Variants in WDR25 observed in about 807,000 individuals in gnomAD.
WDR25 encodes the protein WD repeat-containing protein 25.
Under a neutral mutation model 47.7 loss-of-function variants are expected in WDR25, and 35 were observed. The ratio of observed to expected loss-of-function variants is 0.73; its 90% CI spans 0.56 to 0.97. WDR25 has a LOEUF of 0.97. Among genes scored for constraint, WDR25 ranks in the 50% least tolerant of loss-of-function variants. WDR25 has a pLI of 0.00. For missense variants in WDR25, 634 were observed against 704.7 expected (o/e 0.90, Z 1.14); for synonymous variants, 248 against 278.9 (o/e 0.89, Z 1.10).
Position 100,529,576 on chromosome 14 carries a change from C to T in WDR25, c.1414-244C>T. ...GGTGCTTAGTGACTGTCACTGAGGC[C>T]AGACCCCTCAGCTGGGCTGGAGCTG... On this transcript the variant is annotated intron_variant, in intron 6 of 6. Transcript: ENST00000402312. This position sits in a 1 kb window ranked among gnomAD's most constrained non-coding sequence, Gnocchi z 5.1. 1 of 602,954 alleles carries T rather than the reference C, an allele frequency of 1.7e-6. No homozygotes were observed. Among genetic ancestry groups the T allele is most frequent in the Non-Finnish European group, 2.9e-6 (1 of 342,198 alleles). The allele number at this position is 602,954 out of a possible 1,614,324, so 37.4% of individuals were successfully genotyped here. A position where few individuals can be genotyped will look rare whatever the true frequency, so the allele number is the denominator to read the frequency against.
At chr14:100,526,136 G>A (rs2030121693) in intron 5 of WDR25, 96 bp downstream of exon 5, 1 of 1,424,910 alleles carries the variant, frequency 7.0e-7, no homozygotes, top group Middle Eastern at 1.9e-4. Flanking sequence ...TTCTGTGGGA[G>A]GAGGCTCACT....
rs60819702 is a variant in WDR25, at chr14:100,376,571, A to G, written c.-16+76A>G. The G allele has an allele frequency of 3.5e-4, 431 of 1,231,830 alleles. 2 individuals are homozygous for G. In the African/African-American group the frequency reaches 5.7e-3, roughly 16 times the overall value. The allele number at this position is 1,231,830 out of a possible 1,614,324, so 76.3% of individuals were successfully genotyped here. On this transcript the variant is annotated intron_variant, in intron 1 of 6. Transcript: ENST00000402312. ...GCGCCTAAAGCGCCCCGTGCCGCTT[A>G]ACGCGGTCTCTCATAGCCGCTCGCC...
chr14:100,418,515 G>A (rs1481567052), intron 2 of WDR25, among the ~76,000 whole-genome samples: 1 of 151,258 alleles, frequency 6.6e-6, no homozygotes, highest in African/African-American at 2.4e-5. Flanking sequence ...ACCTGTACAA[G>A]TCCCAGCTAC....
At chr14:100,400,698 A>G (rs892779676) in intron 2 of WDR25, among the ~76,000 whole-genome samples, 1 of 152,232 alleles carries the variant, frequency 6.6e-6, no homozygotes, top group African/African-American at 2.4e-5. Flanking sequence ...ATCTGTGGCT[A>G]AGTGGTCTTT....
intron 2 of WDR25, among the ~76,000 whole-genome samples, chr14:100,394,087 T>A (rs1002734822): frequency 6.6e-6 from 1 of 152,182 alleles, no homozygotes; most frequent in Non-Finnish European, 1.5e-5. Context: ...ATGGAAGGTA[T>A]TATCAAGAAC....
intron 4 of WDR25, among the ~76,000 whole-genome samples, chr14:100,516,930 G>GTT (rs796822380): frequency 7.2e-6 from 1 of 138,666 alleles, no homozygotes; most frequent in Admixed American, 7.3e-5. Flanking sequence ...ATTTGTCTCT[G>GTT]TTTTTTTTTT....
rs898021938 is a variant in WDR25, at chr14:100,404,984, G to C, written c.822+23238G>C. Among the ~76,000 whole-genome samples the C allele has an allele frequency of 6.6e-6, 1 of 152,088 alleles. No individual in the cohort carries two copies. Among genetic ancestry groups the C allele is most frequent in the Non-Finnish European group, 1.5e-5 (1 of 68,022 alleles). On this transcript the variant is annotated intron_variant, in intron 2 of 6. Coordinates refer to ENST00000402312, the MANE Select transcript of WDR25 (RefSeq NM_001161476.3). The surrounding 1 kb of genome is among the most constrained non-coding windows in gnomAD (Gnocchi z 4.6). ...TAGTTCTGTCTTTCCTGTGCTCGCA[G>C]AATCTGTCTGTCCTCTTGCCCCCAC...
chr14:100,393,183 A>G (rs1897181382), intron 2 of WDR25, among the ~76,000 whole-genome samples: 1 of 152,256 alleles, frequency 6.6e-6, no homozygotes. Flanking sequence ...GCTAGCATTA[A>G]AAGTTTCACA....
intron 4 of WDR25, among the ~76,000 whole-genome samples, chr14:100,486,614 C>G (rs1363257532): frequency 6.6e-6 from 1 of 152,184 alleles, no homozygotes; most frequent in Non-Finnish European, 1.5e-5. Context: ...GGCACAGCCC[C>G]CTGCCCTCCA....
Position 100,530,032 on chromosome 14 carries a change from C to G in WDR25, c.1626C>G (p.Ile542Met). The change falls in exon 7 of 7, where the codon ATC becomes ATG. Residue 542 changes from isoleucine to methionine, a missense_variant. Physicochemically the swap from Ile to Met is conservative, Grantham distance 10. Transcript: ENST00000402312. ...GCTCCTGGGGAGGGGACATGAAGAT[C>G]TGGCACTGAGCTTTTTGTCACTGAA... ...ATCSWGGDMK[I>M]WH 1 of 1,611,316 alleles carries G rather than the reference C, an allele frequency of 6.2e-7. No homozygotes were observed. Among genetic ancestry groups the G allele is most frequent in the East Asian group, 2.2e-5 (1 of 44,828 alleles).
chr14:100,508,220 A>G (rs1172163201), intron 4 of WDR25, among the ~76,000 whole-genome samples: 3 of 152,198 alleles, frequency 2.0e-5, no homozygotes, highest in Non-Finnish European at 2.9e-5. Context: ...ATAAAATCCA[A>G]CATCCTTTCG....
At chr14:100,501,908 G>A (rs1459644374) in intron 4 of WDR25, among the ~76,000 whole-genome samples, 1 of 152,186 alleles carries the variant, frequency 6.6e-6, no homozygotes. Context: ...ATGCAGAGAG[G>A]AGGATGGTGC....
intron 2 of WDR25, among the ~76,000 whole-genome samples, chr14:100,446,577 A>G (rs111647752): frequency 0.011 from 1,600 of 152,086 alleles, 16 homozygotes; most frequent in Middle Eastern, 0.037. Context: ...AAAAAGTAAA[A>G]ATGTATAAAT....
intron 4 of WDR25, among the ~76,000 whole-genome samples, chr14:100,512,749 C>T (rs1408658587): frequency 6.6e-6 from 1 of 152,158 alleles, no homozygotes; most frequent in Non-Finnish European, 1.5e-5. Flanking sequence ...CTAGGTATTT[C>T]AGCTGCACTA....
At chr14:100,427,963 G>T (rs1168903815) in intron 2 of WDR25, among the ~76,000 whole-genome samples, 4 of 152,230 alleles carry the variant, frequency 2.6e-5, no homozygotes, top group African/African-American at 7.2e-5. Context: ...GCCAGTGGAG[G>T]CCTTGCAGCG....
At chr14:100,442,783 C>A (rs552680862) in intron 2 of WDR25, among the ~76,000 whole-genome samples, 1 of 152,294 alleles carries the variant, frequency 6.6e-6, no homozygotes, top group Admixed American at 6.5e-5. Flanking sequence ...AAAAAACATT[C>A]TATTTAATAA....
chr14:100,419,223 A>C (rs1278620492), intron 2 of WDR25, among the ~76,000 whole-genome samples: 3 of 143,528 alleles, frequency 2.1e-5, no homozygotes, highest in East Asian at 4.0e-4. Context: ...CTCCATCACA[A>C]AAAAAAAAAA....
intron 3 of WDR25, among the ~76,000 whole-genome samples, chr14:100,472,814 C>G: frequency 6.6e-6 from 1 of 152,216 alleles, no homozygotes. Flanking sequence ...AGTGGGTATA[C>G]AGACCCCCAG....
intron 2 of WDR25, among the ~76,000 whole-genome samples, chr14:100,386,422 C>T (rs1387078027): frequency 6.6e-6 from 1 of 152,202 alleles, no homozygotes; most frequent in Non-Finnish European, 1.5e-5. Flanking sequence ...AATTTTTCTA[C>T]CTTATTAAAA....
Sources: allele counts gnomAD v4.1 joint callset (sites outside exome capture counted in the v4.1 genomes callset), GRCh38; gene constraint gnomAD v4.1.1; non-coding constraint Gnocchi (gnomAD v3.1); transcripts MANE v1.5; gene names NCBI Gene and HGNC (gene_info 2026-07-23, HGNC 2026-07-21).